The following NEGR1 variants were observed in gnomAD, a reference collection of about 807,000 sequenced individuals.
NEGR1 encodes IgLON family member 4.
In NEGR1, 10 loss-of-function variants were observed where a neutral mutation model predicts 40.9. The observed-to-expected ratio is 0.24, with a 90% CI of 0.15 to 0.42. The LOEUF (loss-of-function observed/expected upper bound fraction) is 0.42, where lower values mean the gene tolerates loss of function less well. Among genes scored for constraint, NEGR1 ranks in the 10% least tolerant of loss-of-function variants. NEGR1 has a pLI of 1.00. For missense variants in NEGR1, 352 were observed against 438.9 expected, an observed-to-expected ratio of 0.80 and a Z score of 1.77; for synonymous variants, 185 against 166.8, an observed-to-expected ratio of 1.11 and a Z score of -0.84.
intron 1 of NEGR1, among the ~76,000 whole-genome samples, chr1:72,232,157 C>T (rs1176865085): frequency 6.6e-6 from 1 of 151,950 alleles, no homozygotes; most frequent in Non-Finnish European, 1.5e-5. Flanking sequence ...AATTCGAGAC[C>T]AGCTTGGCCG....
intron 1 of NEGR1, among the ~76,000 whole-genome samples, chr1:71,968,069 C>G (rs528280634): frequency 6.6e-6 from 1 of 152,264 alleles, no homozygotes; most frequent in South Asian, 2.1e-4. Context: ...AATGTTGTAT[C>G]TTTAAAAATA....
At chr1:71,637,617 G>T (rs1232384294) in intron 4 of NEGR1, among the ~76,000 whole-genome samples, 2 of 151,968 alleles carry the variant, frequency 1.3e-5, no homozygotes, top group Non-Finnish European at 2.9e-5. Flanking sequence ...ATAATTAGAA[G>T]ATAGAATAGG....
chr1:72,215,683 G>A lies in NEGR1; in HGVS notation c.176+66636C>T, dbSNP rs141850074. 7.7e-3 allele frequency among the ~76,000 whole-genome samples: 1,174 copies of A among 151,862 alleles called. 10 individuals carry two copies. Among genetic ancestry groups the A allele is most frequent in the African/African-American group, 0.026 (1,081 of 41,428 alleles). On this transcript the variant is annotated intron_variant, in intron 1 of 6. Transcript: ENST00000357731. The stretch of plus-strand genomic sequence containing the variant: ...GATACCATCTCACACCAATCAGAAT[G>A]GCCATTATTAAAAAGTCAGGAAATA...
At chr1:71,544,335 G>A (rs937291948) in intron 6 of NEGR1, among the ~76,000 whole-genome samples, 5 of 151,618 alleles carry the variant, frequency 3.3e-5, no homozygotes, top group African/African-American at 1.2e-4. Context: ...TTGGGAACAG[G>A]TACTGTCATT....
intron 6 of NEGR1, among the ~76,000 whole-genome samples, chr1:71,432,339 T>C (rs981826885): frequency 9.8e-5 from 15 of 152,320 alleles, no homozygotes; most frequent in Admixed American, 9.8e-4. Flanking sequence ...AGGCATAAAA[T>C]GTAATGTTTT....
At chr1:72,206,685 T>TCATAAAA (rs1653411079) in intron 1 of NEGR1, among the ~76,000 whole-genome samples, 1 of 152,112 alleles carries the variant, frequency 6.6e-6, no homozygotes, top group African/African-American at 2.4e-5. Context: ...CATGTTTCAT[T>TCATAAAA]TTATGACCTC....
chr1:71,718,318 C>T (rs779516350), intron 3 of NEGR1, among the ~76,000 whole-genome samples: 6 of 152,076 alleles, frequency 3.9e-5, no homozygotes, highest in Non-Finnish European at 8.8e-5. Flanking sequence ...CTCTCCCTGC[C>T]CCCACCACTC....
chr1:71,524,312 A>G lies in NEGR1; in HGVS notation c.940+68505T>C, dbSNP rs1337747831. On this transcript the variant is annotated intron_variant, in intron 6 of 6. Coordinates refer to ENST00000357731, the MANE Select transcript of NEGR1 (RefSeq NM_173808.3). The stretch of plus-strand genomic sequence containing the variant: ...AGATCTTGGAGTCTTCTTTTTAAAT[A>G]GGAGTGTGTGTGTGTGTGTGTGTGT... Among the ~76,000 whole-genome samples, 4 of 108,690 alleles carry G rather than the reference A, an allele frequency of 3.7e-5. No homozygotes were observed. The South Asian group carries it at 1.3e-3, about 36-fold the overall frequency. The allele number at this position is 108,690 out of a possible 152,430, so 71.3% of individuals were successfully genotyped here. A position where few individuals can be genotyped will look rare whatever the true frequency, so the allele number is the denominator to read the frequency against.
In NEGR1 at chr1:71,404,460, C is replaced by T. The variant is rs1170233017; in HGVS notation, c.*2986G>A. ...TTGAAAAACGTAGTTACACCACTTG[C>T]AGTTAAACTAAGAATGCAAATGTGT... On this transcript the variant is annotated 3_prime_UTR_variant, in exon 7 of 7. Coordinates refer to ENST00000357731, the MANE Select transcript of NEGR1 (RefSeq NM_173808.3). 1 of 151,970 alleles carries T rather than the reference C, an allele frequency of 6.6e-6. No homozygotes were observed. Among genetic ancestry groups the T allele is most frequent in the Non-Finnish European group, 1.5e-5 (1 of 67,692 alleles). 9.4% of individuals were successfully genotyped at this position (151,970 alleles called of 1,614,324 possible). A position where few individuals can be genotyped will look rare whatever the true frequency, so the allele number is the denominator to read the frequency against.
At chr1:72,094,057 C>T (rs727726) in intron 1 of NEGR1, among the ~76,000 whole-genome samples, 83,421 of 151,876 alleles carry the variant, frequency 0.55, 23,718 homozygotes, top group African/African-American at 0.71. Flanking sequence ...ATTTAATAAT[C>T]AGTGGTGTCA....
chr1:71,469,401 G>A (rs1170200106), intron 6 of NEGR1, among the ~76,000 whole-genome samples: 1 of 152,020 alleles, frequency 6.6e-6, no homozygotes, highest in Non-Finnish European at 1.5e-5. Context: ...AATTTGCTCT[G>A]TAATTAAATT....
intron 6 of NEGR1, among the ~76,000 whole-genome samples, chr1:71,410,730 TTGTG>T (rs1646314401): frequency 6.6e-6 from 1 of 152,194 alleles, no homozygotes; most frequent in African/African-American, 2.4e-5. Flanking sequence ...TATGTGTGGT[TTGTG>T]TGTGTGTATA....
intron 1 of NEGR1, among the ~76,000 whole-genome samples, chr1:72,209,655 T>C (rs1653529029): frequency 6.6e-6 from 1 of 151,906 alleles, no homozygotes; most frequent in African/African-American, 2.4e-5. Flanking sequence ...TATGTGTACA[T>C]TTAAAAATCT....
chr1:71,792,966 A>G (rs146500301), intron 2 of NEGR1, among the ~76,000 whole-genome samples: 1 of 152,030 alleles, frequency 6.6e-6, no homozygotes, highest in Non-Finnish European at 1.5e-5. Flanking sequence ...ATTCCCAGAT[A>G]AAGTTACTTA....
chr1:72,088,321 G>A lies in NEGR1; in HGVS notation c.177-153010C>T, dbSNP rs544856466. Among the ~76,000 whole-genome samples the A allele has an allele frequency of 2.0e-5, 3 of 152,176 alleles. No homozygotes were observed. The South Asian group carries it at 6.2e-4, about 32-fold the overall frequency. On this transcript the variant is annotated intron_variant, in intron 1 of 6. Coordinates refer to ENST00000357731, the MANE Select transcript of NEGR1 (RefSeq NM_173808.3). ...AAATCAGAAACTTTGGGGGAGTGAA[G>A]CAATAATCTGTGGTTCAAGAAGATC... is the stretch of plus-strand genomic sequence containing the variant.
At chr1:71,596,507 T>C (rs12067857) in intron 5 of NEGR1, among the ~76,000 whole-genome samples, 7,255 of 152,284 alleles carry the variant, frequency 0.048, 418 homozygotes, top group African/African-American at 0.13. Context: ...ACTCACAAAA[T>C]GGACAGAAAC....
At chr1:71,602,349 GCCAT>G (rs61112688) in intron 5 of NEGR1, among the ~76,000 whole-genome samples, 46,908 of 47,524 alleles carry the variant, frequency 0.99, 23,221 homozygotes, top group East Asian at 1. Context: ...CCGGGTTCAC[GCCAT>G]CCATTCTCCT....
chr1:72,123,995 C>T (rs1391859733), intron 1 of NEGR1, among the ~76,000 whole-genome samples: 2 of 151,882 alleles, frequency 1.3e-5, no homozygotes, highest in East Asian at 1.9e-4. Flanking sequence ...TATAAATCAC[C>T]GTTTTGAAAT....
chr1:71,881,651 T>C (rs752797523), intron 2 of NEGR1, among the ~76,000 whole-genome samples: 5 of 152,108 alleles, frequency 3.3e-5, no homozygotes, highest in Non-Finnish European at 5.9e-5. Flanking sequence ...GAAAAAAGTC[T>C]TAACTATGAA....
Sources: gnomAD v4.1 joint callset for allele counts (sites outside exome capture counted in the v4.1 genomes callset) on GRCh38, gnomAD v4.1.1 for gene constraint, MANE v1.5 for transcripts, NCBI Gene and HGNC (gene_info 2026-07-23, HGNC 2026-07-21) for gene names.